MAP3K1: variants seen among roughly 807,000 people sequenced by gnomAD.
MAP3K1 encodes mitogen-activated protein kinase kinase kinase 1, also known as MAP/ERK kinase kinase 1.
Under a neutral mutation model 144.2 loss-of-function variants are expected in MAP3K1, and 36 were observed. The ratio of observed to expected loss-of-function variants is 0.25; its 90% CI spans 0.19 to 0.33. The LOEUF is 0.33. Ranked by LOEUF, MAP3K1 falls within the 10% of genes least tolerant of loss-of-function variation. MAP3K1 has a pLI of 1.00. For synonymous variants in MAP3K1, 718 were observed against 688.7 expected (o/e 1.04, Z -0.67); for missense variants, 1,650 against 1,881.9 (o/e 0.88, Z 2.28).
chr5:56,893,138 C>G (rs1040409198), intron 19 of MAP3K1, among the ~76,000 whole-genome samples: 6 of 152,054 alleles, frequency 3.9e-5, no homozygotes, highest in Non-Finnish European at 7.4e-5. Context: ...CTTTCTTAAT[C>G]TAAATAGCTC....
chr5:56,829,335 A>G (rs1039636922), intron 1 of MAP3K1, among the ~76,000 whole-genome samples: 1 of 146,788 alleles, frequency 6.8e-6, no homozygotes, highest in Non-Finnish European at 1.5e-5. Flanking sequence ...GGTGCATGCC[A>G]CTGTGCCCGG....
chr5:56,883,956 C>T (rs555660776), intron 15 of MAP3K1, among the ~76,000 whole-genome samples: 59 of 152,204 alleles, frequency 3.9e-4, no homozygotes, highest in African/African-American at 1.4e-3. Context: ...CAAGACCAGC[C>T]TGGCCAGCAT....
chr5:56,863,387 T>C lies in MAP3K1; in HGVS notation c.835-1347T>C, dbSNP rs1210449644. Reference sequence around the variant, plus strand: ...ATTTGCCTATTCTGGACATTTCATATAAATGGGATCACTTAATAGGTGATC... The same window carrying C: ...ATTTGCCTATTCTGGACATTTCATACAAATGGGATCACTTAATAGGTGATC... On this transcript the variant is annotated intron_variant, in intron 3 of 19. Coordinates refer to ENST00000399503, the MANE Select transcript of MAP3K1 (RefSeq NM_005921.2). 2.0e-5 allele frequency among the ~76,000 whole-genome samples: 3 copies of C among 152,280 alleles called. No individual in the cohort carries two copies. The East Asian group carries it at 5.8e-4, about 29-fold the overall frequency.
intron 1 of MAP3K1, among the ~76,000 whole-genome samples, chr5:56,853,466 T>A (rs1313867802): frequency 6.6e-6 from 1 of 152,218 alleles, no homozygotes; most frequent in Non-Finnish European, 1.5e-5. Flanking sequence ...TAATAAGTGA[T>A]CATTCACTTA....
intron 1 of MAP3K1, among the ~76,000 whole-genome samples, chr5:56,818,479 A>G (rs1746051480): frequency 1.3e-5 from 2 of 152,026 alleles, no homozygotes; most frequent in Non-Finnish European, 2.9e-5. Flanking sequence ...TGATCTTTGA[A>G]TGTAGAAAAT....
At chr5:56,883,751 A>G (rs892459855) in intron 15 of MAP3K1, 72 bp downstream of exon 15, 34 of 1,482,520 alleles carry the variant, frequency 2.3e-5, no homozygotes, top group Non-Finnish European at 3.1e-5. Context: ...AAAAAGAATA[A>G]AGGATATGTC....
intron 1 of MAP3K1, among the ~76,000 whole-genome samples, chr5:56,825,589 G>A (rs1305434505): frequency 6.6e-6 from 1 of 152,184 alleles, no homozygotes; most frequent in African/African-American, 2.4e-5. Flanking sequence ...CTTCATCCTT[G>A]CATTCAGATC....
At chr5:56,879,505 T>C (rs1748142212) in intron 11 of MAP3K1, among the ~76,000 whole-genome samples, 1 of 152,162 alleles carries the variant, frequency 6.6e-6, no homozygotes, top group Admixed American at 6.5e-5. Flanking sequence ...GGATAAAAAA[T>C]TAACAAATCC....
intron 1 of MAP3K1, among the ~76,000 whole-genome samples, chr5:56,854,326 G>A (rs562291700): frequency 3.9e-4 from 58 of 149,106 alleles, no homozygotes; most frequent in Middle Eastern, 3.5e-3. Context: ...CTAGCTACTT[G>A]GAAGGCTGAG....
intron 1 of MAP3K1, among the ~76,000 whole-genome samples, chr5:56,853,647 C>A (rs942420919): frequency 6.6e-6 from 1 of 152,126 alleles, no homozygotes; most frequent in Non-Finnish European, 1.5e-5. Flanking sequence ...AAGAATGGAA[C>A]TGGGAGTTCT....
chr5:56,859,065 T>TAAAAAAAAAAAAAAAA (rs34494768), intron 2 of MAP3K1, among the ~76,000 whole-genome samples: 1 of 125,582 alleles, frequency 8.0e-6, no homozygotes. Context: ...AAGCCTTAAT[T>TAAAAAAAAAAAAAAAA]AAAAAAAAAA....
intron 9 of MAP3K1, among the ~76,000 whole-genome samples, chr5:56,874,325 A>G (rs1747948701): frequency 6.6e-6 from 1 of 152,174 alleles, no homozygotes; most frequent in Non-Finnish European, 1.5e-5. Context: ...AAGACCATTC[A>G]CCCTTTCCTC....
intron 1 of MAP3K1, among the ~76,000 whole-genome samples, chr5:56,853,965 T>G (rs184514812): frequency 6.6e-6 from 1 of 152,236 alleles, no homozygotes; most frequent in Non-Finnish European, 1.5e-5. Flanking sequence ...CTGGGTAAGA[T>G]TCAAAGTTAA....
intron 16 of MAP3K1, among the ~76,000 whole-genome samples, 155 bp downstream of exon 16, chr5:56,884,981 C>G (rs745417374): frequency 6.6e-6 from 1 of 152,070 alleles, no homozygotes. Context: ...ACAAATACTT[C>G]GTTTTGTATT....
rs758212651 is a variant in MAP3K1, at chr5:56,881,211, G to C, written c.2308G>C (p.Ala770Pro). 1 of 1,613,592 alleles carries C rather than the reference G, an allele frequency of 6.2e-7. No individual in the cohort carries two copies. Among genetic ancestry groups the C allele is most frequent in the African/African-American group, 1.3e-5 (1 of 74,906 alleles). ...AGATAGACTGTTGTTGGAATTTCCT[G>C]CTGAATTTTATCCTCATATTGTCAG... ...LIDRLLLEFP[A>P]EFYPHIVSTD... Residue 770 changes from alanine (A) to proline (P), a missense_variant, in exon 13 of 20, where the codon GCT (alanine) becomes CCT (proline). Around this residue, in one of 6 missense-constraint regions of MAP3K1, gnomAD observed 841 missense variants for 886.5 expected, o/e 0.95. Coordinates refer to ENST00000399503, the MANE Select transcript of MAP3K1 (RefSeq NM_005921.2).
chr5:56,818,598 G>GTT (rs1427617243), intron 1 of MAP3K1, among the ~76,000 whole-genome samples: 1 of 152,102 alleles, frequency 6.6e-6, no homozygotes, highest in Non-Finnish European at 1.5e-5. Flanking sequence ...GAAAGTGCCT[G>GTT]TAAGTGGCGC....
intron 1 of MAP3K1, among the ~76,000 whole-genome samples, chr5:56,835,505 C>T (rs929742347): frequency 3.3e-5 from 5 of 151,844 alleles, no homozygotes; most frequent in African/African-American, 9.7e-5. Context: ...GCCAGTGGTC[C>T]GCAGTAGGGA....
intron 1 of MAP3K1, among the ~76,000 whole-genome samples, chr5:56,827,702 A>G (rs1177627040): frequency 6.6e-6 from 1 of 152,128 alleles, no homozygotes; most frequent in Non-Finnish European, 1.5e-5. Context: ...CGTCTCTACT[A>G]AAAATACAAA....
In MAP3K1 at chr5:56,815,852, G is replaced by A. The variant is rs1399944432; in HGVS notation, c.279G>A (p.Pro93=). ...CGGCCTCCTCGACTTCCCCGTCGCC[G>A]GAGCCCGCGGACGCAGCGGGGAGTG... ...SPPASSTSPS[P]EPADAAGSGT... The change falls in exon 1 of 20, where the codon CCG becomes CCA. Residue 93 remains proline, a synonymous_variant. Transcript: ENST00000399503. 1.4e-6 allele frequency: 2 copies of A among 1,401,318 alleles called. No homozygotes were observed. The highest frequency in any genetic ancestry group is 1.9e-6 in the Non-Finnish European group (2 of 1,073,570). 86.8% of individuals were successfully genotyped at this position (1,401,318 alleles called of 1,614,324 possible).
Sources: gnomAD v4.1 joint callset for allele counts (sites outside exome capture counted in the v4.1 genomes callset) on GRCh38, gnomAD v4.1.1 for gene constraint, gnomAD v4.1.1 regional missense constraint, MANE v1.5 for transcripts, NCBI Gene and HGNC (gene_info 2026-07-23, HGNC 2026-07-21) for gene names.